The following LOC128092252 variants were observed in gnomAD, a reference collection of about 807,000 sequenced individuals.
chr15:50,670,283 T>C, the LOC128092252 span, among the ~76,000 whole-genome samples: 5 of 152,106 alleles, frequency 3.3e-5, no homozygotes, highest in Non-Finnish European at 1.5e-5. Flanking sequence ...GACTCCATCT[T>C]GAATAGGGGC....
At chr15:50,663,035 G>C in the LOC128092252 span, 1 of 1,612,866 alleles carries the variant, frequency 6.2e-7, no homozygotes, top group Non-Finnish European at 8.5e-7. Flanking sequence ...TTTCTATCCA[G>C]GATTTCTGGG....
the LOC128092252 span, among the ~76,000 whole-genome samples, chr15:50,649,617 G>A: frequency 2.0e-5 from 3 of 152,052 alleles, no homozygotes; most frequent in Admixed American, 1.3e-4. Flanking sequence ...TCAAGAAACC[G>A]TGAACTAATC....
chr15:50,680,641 G>T, the LOC128092252 span, among the ~76,000 whole-genome samples: 1 of 151,268 alleles, frequency 6.6e-6, no homozygotes, highest in South Asian at 2.1e-4. Flanking sequence ...ACAGAAATTT[G>T]ATAGTAAAGG....
the LOC128092252 span, among the ~76,000 whole-genome samples, chr15:50,672,914 A>G: frequency 6.6e-6 from 1 of 150,434 alleles, no homozygotes; most frequent in Non-Finnish European, 1.5e-5. Context: ...AAAAAAAAAA[A>G]AAAAAAAAAA....
chr15:50,654,184 T>C, the LOC128092252 span, among the ~76,000 whole-genome samples: 1 of 152,094 alleles, frequency 6.6e-6, no homozygotes, highest in Non-Finnish European at 1.5e-5. Flanking sequence ...GTGCAGTGAC[T>C]CACACCATCC....
chr15:50,685,729 T>C, the LOC128092252 span, among the ~76,000 whole-genome samples: 1 of 152,126 alleles, frequency 6.6e-6, no homozygotes, highest in African/African-American at 2.4e-5. Context: ...TCAAAATTGG[T>C]TCCTGATATC....
chr15:50,660,728 A>G, the LOC128092252 span, among the ~76,000 whole-genome samples: 1 of 152,354 alleles, frequency 6.6e-6, no homozygotes, highest in East Asian at 1.9e-4. Context: ...GTCATTACTC[A>G]GTAAAGGAGA....
chr15:50,669,506 C>T, the LOC128092252 span, among the ~76,000 whole-genome samples: 1 of 152,104 alleles, frequency 6.6e-6, no homozygotes, highest in African/African-American at 2.4e-5. Context: ...CCTTATGGAA[C>T]AGAGTTCCAT....
At chr15:50,667,838 C>T in the LOC128092252 span, among the ~76,000 whole-genome samples, 6 of 152,178 alleles carry the variant, frequency 3.9e-5, no homozygotes, top group Admixed American at 3.9e-4. Flanking sequence ...GGCTTATTGA[C>T]ATAAAAATCA....
chr15:50,668,816 A>G, the LOC128092252 span, among the ~76,000 whole-genome samples: 9 of 142,752 alleles, frequency 6.3e-5, no homozygotes, highest in Non-Finnish European at 9.6e-5. Flanking sequence ...CCTACAATAG[A>G]TATTTGTATA....
the LOC128092252 span, among the ~76,000 whole-genome samples, chr15:50,657,319 G>A: frequency 1.3e-5 from 2 of 152,112 alleles, no homozygotes; most frequent in Admixed American, 6.6e-5. Flanking sequence ...GCAAGACTCC[G>A]TCTCAAAATA....
At chr15:50,676,303 A>AT in the LOC128092252 span, among the ~76,000 whole-genome samples, 36 of 151,790 alleles carry the variant, frequency 2.4e-4, 1 homozygote, top group South Asian at 3.8e-3. Flanking sequence ...TGGAAATCAA[A>AT]TTTTTTTTTA....
chr15:50,670,602 G>C, the LOC128092252 span, among the ~76,000 whole-genome samples: 2 of 152,108 alleles, frequency 1.3e-5, no homozygotes, highest in Admixed American at 1.3e-4. Context: ...TTTAAAAAGA[G>C]GAGGAACCCT....
the LOC128092252 span, chr15:50,663,130 GTTC>G: frequency 3.8e-6 from 4 of 1,048,536 alleles, no homozygotes; most frequent in Non-Finnish European, 5.7e-6. Context: ...CACATAAACA[GTTC>G]TTTTTTTTTT....
chr15:50,668,626 G>C, the LOC128092252 span, among the ~76,000 whole-genome samples: 1 of 152,128 alleles, frequency 6.6e-6, no homozygotes, highest in African/African-American at 2.4e-5. Context: ...TCCTGCCTCA[G>C]CCTCCCAAGT....
At chr15:50,669,944 T>C in the LOC128092252 span, among the ~76,000 whole-genome samples, 1 of 152,238 alleles carries the variant, frequency 6.6e-6, no homozygotes, top group Non-Finnish European at 1.5e-5. Context: ...TATTTTGCTT[T>C]ACTGTTATGG....
the LOC128092252 span, chr15:50,648,979 T>C: frequency 9.3e-6 from 8 of 857,628 alleles, no homozygotes; most frequent in South Asian, 2.1e-4. Context: ...AATATAAGCT[T>C]TAAAATTTTT....
the LOC128092252 span, among the ~76,000 whole-genome samples, chr15:50,686,095 T>A: frequency 6.6e-5 from 10 of 152,204 alleles, no homozygotes; most frequent in Non-Finnish European, 1.5e-4. Context: ...CTCCCTTTTT[T>A]CCATGTAAAA....
chr15:50,686,382 C>T, the LOC128092252 span: 1 of 1,348,440 alleles, frequency 7.4e-7, no homozygotes, highest in Non-Finnish European at 1.1e-6. Flanking sequence ...CACACCCGTC[C>T]CGAGAGGACA....
Sources: gnomAD v4.1 joint callset for allele counts (sites outside exome capture counted in the v4.1 genomes callset) on GRCh38, gnomAD v4.1.1 for gene constraint, MANE v1.5 for transcripts.